The following TYW1 variants were observed in gnomAD, a reference collection of about 807,000 sequenced individuals.
TYW1 encodes the protein tRNA-yW synthesizing protein 1 homolog.
Under a neutral mutation model 96.2 loss-of-function variants are expected in TYW1, and 46 were observed. The observed-to-expected ratio is 0.48, with a 90% CI of 0.38 to 0.61. TYW1 has a LOEUF of 0.61. Among genes scored for constraint, TYW1 ranks in the 20% least tolerant of loss-of-function variants. The pLI is 0.00. For missense variants in TYW1, 684 were observed against 909.6 expected (o/e 0.75, Z 3.19); for synonymous variants, 274 against 323.0 (o/e 0.85, Z 1.63).
chr7:67,087,996 C>T (rs549448821), intron 11 of TYW1, among the ~76,000 whole-genome samples: 5 of 151,850 alleles, frequency 3.3e-5, no homozygotes, highest in Non-Finnish European at 5.9e-5. Flanking sequence ...CCCAAGTAGC[C>T]GGAACTACAG....
chr7:67,029,405 G>GTATATA (rs1277791560), intron 7 of TYW1, among the ~76,000 whole-genome samples: 1,047 of 88,962 alleles, frequency 0.012, 7 homozygotes, highest in African/African-American at 0.027. Flanking sequence ...GTGTGTGTGT[G>GTATATA]TGTGTGTGTG....
intron 13 of TYW1, among the ~76,000 whole-genome samples, chr7:67,134,723 A>C (rs1798189069): frequency 2.0e-5 from 3 of 150,474 alleles, no homozygotes; most frequent in Non-Finnish European, 3.0e-5. Context: ...ACCTCCCTCA[A>C]CTGTATAAAA....
At chr7:67,088,318 A>G (rs1344094216) in intron 11 of TYW1, among the ~76,000 whole-genome samples, 1 of 152,160 alleles carries the variant, frequency 6.6e-6, no homozygotes, top group African/African-American at 2.4e-5. Flanking sequence ...TATAATAGTC[A>G]TAGTAAATAT....
intron 13 of TYW1, among the ~76,000 whole-genome samples, chr7:67,142,878 C>A (rs1798494076): frequency 2.6e-5 from 4 of 151,944 alleles, no homozygotes; most frequent in Admixed American, 1.3e-4. Flanking sequence ...ATGGTGAAAC[C>A]CCATCTCTAC....
At chr7:67,048,743 TTTC>T (rs1338640932) in intron 7 of TYW1, among the ~76,000 whole-genome samples, 2 of 152,196 alleles carry the variant, frequency 1.3e-5, no homozygotes, top group Non-Finnish European at 2.9e-5. Context: ...ATCCTTTGGA[TTTC>T]TTAAGTGTTT....
chr7:67,076,921 C>T (rs1358036923), intron 10 of TYW1, among the ~76,000 whole-genome samples: 4 of 151,900 alleles, frequency 2.6e-5, no homozygotes, highest in African/African-American at 7.3e-5. Context: ...ATTACAGGCT[C>T]GTGCCACCAC....
intron 15 of TYW1, among the ~76,000 whole-genome samples, chr7:67,231,291 T>C (rs1563082383): frequency 6.6e-6 from 1 of 152,226 alleles, no homozygotes; most frequent in Non-Finnish European, 1.5e-5. Context: ...TTCATCTTTT[T>C]GAAGAAGTCT....
chr7:67,117,658 C>T (rs756614127), intron 13 of TYW1, 40 bp downstream of exon 13: 62 of 1,554,882 alleles, frequency 4.0e-5, no homozygotes, highest in Non-Finnish European at 5.2e-5. Context: ...AAACAACCCT[C>T]AGGTGTGTAC....
chr7:67,126,300 T>C (rs1318548794), intron 13 of TYW1, among the ~76,000 whole-genome samples: 1 of 151,632 alleles, frequency 6.6e-6, no homozygotes. Context: ...AGATGTCTGC[T>C]ATGGTCTTTG....
chr7:67,055,730 A>G (rs531944089), intron 8 of TYW1, 105 bp from the exon 9 acceptor site: 2 of 792,628 alleles, frequency 2.5e-6, no homozygotes, highest in East Asian at 5.4e-5. Context: ...GTTGACTGCA[A>G]TAATTTAGCA....
intron 11 of TYW1, 120 bp from the exon 12 acceptor site, chr7:67,098,421 G>C (rs1796985224): frequency 1.4e-6 from 1 of 737,816 alleles, no homozygotes; most frequent in African/African-American, 1.8e-5. Context: ...CCTTTGTTTT[G>C]TATTCTTTGG....
intron 11 of TYW1, among the ~76,000 whole-genome samples, chr7:67,090,105 A>C (rs557191594): frequency 1.3e-5 from 2 of 152,256 alleles, no homozygotes; most frequent in Non-Finnish European, 2.9e-5. Context: ...ACTGCAAGAC[A>C]TAAAAGATCT....
intron 4 of TYW1, among the ~76,000 whole-genome samples, chr7:67,011,795 C>A (rs1317978993): frequency 1.3e-5 from 2 of 151,686 alleles, no homozygotes; most frequent in Admixed American, 1.3e-4. Context: ...ATTGCTTGAA[C>A]CTGGGAGGCG....
At chr7:67,186,813 A>G (rs879508511) in intron 14 of TYW1, among the ~76,000 whole-genome samples, 12 of 152,096 alleles carry the variant, frequency 7.9e-5, no homozygotes, top group Admixed American at 2.6e-4. Flanking sequence ...GCTATTAACA[A>G]CAAAGTTTTC....
At chr7:67,204,427 G>A (rs1457379341) in intron 15 of TYW1, among the ~76,000 whole-genome samples, 1 of 150,596 alleles carries the variant, frequency 6.6e-6, no homozygotes, top group Non-Finnish European at 1.5e-5. Context: ...ATTTCCATTT[G>A]ATTATTTTCC....
chr7:66,999,026 T>A, intron 3 of TYW1, 72 bp downstream of exon 3: 1 of 1,529,752 alleles, frequency 6.5e-7, no homozygotes, highest in Non-Finnish European at 9.0e-7. Flanking sequence ...CAGTGAACTT[T>A]AGCAGTGAAC....
chr7:67,154,482 G>C (rs1798903404), intron 13 of TYW1, among the ~76,000 whole-genome samples: 1 of 147,576 alleles, frequency 6.8e-6, no homozygotes, highest in Non-Finnish European at 1.5e-5. Flanking sequence ...TTGATAAGCA[G>C]TTTTTTTCTT....
At chr7:67,154,326 G>A (rs6952309) in intron 13 of TYW1, among the ~76,000 whole-genome samples, 39,458 of 152,048 alleles carry the variant, frequency 0.26, 5,599 homozygotes, top group African/African-American at 0.38. Context: ...GTTTTATGAT[G>A]GTAGATACCA....
chr7:67,202,795 C>T (rs1394055272), intron 15 of TYW1, among the ~76,000 whole-genome samples: 1 of 152,218 alleles, frequency 6.6e-6, no homozygotes, highest in East Asian at 1.9e-4. Context: ...TACACCAAGA[C>T]AGCCACAAAA....
Sources: gnomAD v4.1 joint callset for allele counts (sites outside exome capture counted in the v4.1 genomes callset) on GRCh38, gnomAD v4.1.1 for gene constraint, MANE v1.5 for transcripts, NCBI Gene and HGNC (gene_info 2026-07-23, HGNC 2026-07-21) for gene names.